The following APBB2 variants were observed in gnomAD, a reference collection of about 807,000 sequenced individuals.
APBB2 encodes Fe65-like 1.
APBB2 carries 38 observed loss-of-function variants against 82.5 expected under a neutral mutation model. That is an observed-to-expected ratio of 0.46 (90% CI 0.36 to 0.60). APBB2 has a LOEUF of 0.60. Ranked by LOEUF, APBB2 falls within the 20% of genes least tolerant of loss-of-function variation. APBB2 has a pLI of 0.00. For missense variants in APBB2, 772 were observed against 972.3 expected, an observed-to-expected ratio of 0.79 and a Z score of 2.74; for synonymous variants, 341 against 368.2, an observed-to-expected ratio of 0.93 and a Z score of 0.85.
intron 2 of APBB2, among the ~76,000 whole-genome samples, chr4:41,109,870 C>T (rs1471221519): frequency 3.3e-5 from 5 of 152,136 alleles, no homozygotes; most frequent in East Asian, 3.9e-4. Flanking sequence ...TCAAAGGTCA[C>T]GGAGCTAAAA....
At chr4:41,018,435 A>G (rs948799091) in intron 5 of APBB2, among the ~76,000 whole-genome samples, 25 of 152,192 alleles carry the variant, frequency 1.6e-4, no homozygotes, top group African/African-American at 5.8e-4. Context: ...ATTATCATCA[A>G]GGGAGCCTGA....
At chr4:40,834,008 G>A (rs1414339765) in intron 12 of APBB2, among the ~76,000 whole-genome samples, 1 of 152,178 alleles carries the variant, frequency 6.6e-6, no homozygotes, top group African/African-American at 2.4e-5. Flanking sequence ...ATTTTCCTCT[G>A]GCGCAGAGCA....
chr4:40,985,782 A>T (rs565603621), intron 6 of APBB2, among the ~76,000 whole-genome samples: 1 of 152,226 alleles, frequency 6.6e-6, no homozygotes, highest in Non-Finnish European at 1.5e-5. Context: ...ATGACACAAA[A>T]TTATCCAAAT....
intron 6 of APBB2, among the ~76,000 whole-genome samples, chr4:40,974,327 T>C (rs1261183134): frequency 6.6e-6 from 1 of 152,134 alleles, no homozygotes; most frequent in Admixed American, 6.6e-5. Flanking sequence ...CTTATTAATA[T>C]AGTGAATGTA....
chr4:41,101,470 C>CAAA lies in APBB2; in HGVS notation c.-260-723_-260-721dup, dbSNP rs150527764. ...TGGGCGACAGAGCGAGACTCCGTCT[C>CAAA]AAAAAAAAAAAAAAAAAAAAAAAAA... On this transcript the variant is annotated intron_variant, in intron 2 of 17. Coordinates refer to ENST00000508593, the MANE Select transcript of APBB2 (RefSeq NM_004307.2). Among the ~76,000 whole-genome samples the CAAA allele has an allele frequency of 7.7e-3, 555 of 72,526 alleles. 5 individuals carry two copies. The highest frequency in any genetic ancestry group is 0.02 in the East Asian group (27 of 1,342). The allele number at this position is 72,526 out of a possible 152,430, so 47.6% of individuals were successfully genotyped here. A position where few individuals can be genotyped will look rare whatever the true frequency, so the allele number is the denominator to read the frequency against.
At chr4:41,118,675 A>G (rs1041162655) in intron 2 of APBB2, among the ~76,000 whole-genome samples, 17 of 152,164 alleles carry the variant, frequency 1.1e-4, no homozygotes, top group African/African-American at 3.6e-4. Flanking sequence ...TACTTTTTAT[A>G]TGTGCTGAAT....
At chr4:41,005,304 C>T (rs977904452) in intron 6 of APBB2, among the ~76,000 whole-genome samples, 41 of 152,168 alleles carry the variant, frequency 2.7e-4, no homozygotes, top group African/African-American at 9.1e-4. Flanking sequence ...TGGCCAGGAT[C>T]GTCTCAATCT....
chr4:40,993,628 T>C lies in APBB2; in HGVS notation c.835+19955A>G, dbSNP rs577483735. On this transcript the variant is annotated intron_variant, in intron 6 of 17. Transcript: ENST00000508593. ...GTCTCAAACTCCTGGCCTCAAGCAA[T>C]CCTCCTGCCTCAACCTCCCAAAGTG... Among the ~76,000 whole-genome samples the C allele has an allele frequency of 3.9e-5, 6 of 151,980 alleles. No homozygotes were observed. The South Asian group carries it at 1.3e-3, about 32-fold the overall frequency.
chr4:41,119,969 T>C (rs373243558), intron 2 of APBB2, among the ~76,000 whole-genome samples: 1 of 152,218 alleles, frequency 6.6e-6, no homozygotes, highest in Admixed American at 6.5e-5. Context: ...TTTTATGGTT[T>C]GTGTTCCATG....
chr4:41,147,724 G>A (rs564356765), intron 1 of APBB2, among the ~76,000 whole-genome samples: 1 of 152,034 alleles, frequency 6.6e-6, no homozygotes, highest in East Asian at 1.9e-4. Flanking sequence ...CCTGACCTCA[G>A]GTGATCCACA....
At chr4:41,194,627 G>A in intron 1 of APBB2, among the ~76,000 whole-genome samples, 4 of 152,110 alleles carry the variant, frequency 2.6e-5, no homozygotes, top group African/African-American at 7.2e-5. Flanking sequence ...TCATGTCACC[G>A]CACTCTAGCC....
intron 12 of APBB2, among the ~76,000 whole-genome samples, chr4:40,860,428 A>G (rs1327575129): frequency 6.6e-6 from 1 of 152,162 alleles, no homozygotes; most frequent in African/African-American, 2.4e-5. Context: ...CCTGGTTGAC[A>G]ATACTCTGTG....
At chr4:40,862,016 T>C (rs1016086440) in intron 12 of APBB2, among the ~76,000 whole-genome samples, 3 of 152,338 alleles carry the variant, frequency 2.0e-5, no homozygotes, top group Non-Finnish European at 2.9e-5. Flanking sequence ...CACTCATCTT[T>C]CTTTCATAGA....
chr4:40,882,788 C>T (rs1275232656), intron 12 of APBB2, among the ~76,000 whole-genome samples: 3 of 152,106 alleles, frequency 2.0e-5, no homozygotes, highest in African/African-American at 7.2e-5. Flanking sequence ...AGCAACAGGC[C>T]GTGGGGGTGA....
chr4:41,025,966 AAAAAAG>A (rs1459276773), intron 5 of APBB2, among the ~76,000 whole-genome samples: 8 of 149,660 alleles, frequency 5.3e-5, no homozygotes, highest in African/African-American at 2.0e-4. Context: ...AAAAAAAAGA[AAAAAAG>A]GAAAATGTGG....
At chr4:41,022,383 A>T (rs1226033957) in intron 5 of APBB2, among the ~76,000 whole-genome samples, 1 of 152,192 alleles carries the variant, frequency 6.6e-6, no homozygotes, top group Non-Finnish European at 1.5e-5. Flanking sequence ...GAATAAAATG[A>T]TGTACATGGA....
intron 12 of APBB2, among the ~76,000 whole-genome samples, chr4:40,846,248 G>A (rs28621639): frequency 1.8e-4 from 26 of 148,302 alleles, no homozygotes; most frequent in Middle Eastern, 3.5e-3. Flanking sequence ...CTATGTGAGA[G>A]AGGGAAGGGG....
At position 41,019,492 on chromosome 4, in the gene APBB2, G is replaced by C. The variant is rs1810891882; in HGVS notation, c.20-5094C>G. On this transcript the variant is annotated intron_variant, in intron 5 of 17. Coordinates refer to ENST00000508593, the MANE Select transcript of APBB2 (RefSeq NM_004307.2). The stretch of plus-strand genomic sequence containing the variant: ...GCAGCCTTAATTTTCTCTATGAAGA[G>C]AAAGTTTTCCCAGAGAGGAAACAGT... 4.6e-5 allele frequency among the ~76,000 whole-genome samples: 7 copies of C among 152,298 alleles called. No homozygotes were observed. In the South Asian group the frequency reaches 1.2e-3, roughly 27 times the overall value.
At chr4:41,163,158 A>C (rs1031140391) in intron 1 of APBB2, among the ~76,000 whole-genome samples, 6 of 152,244 alleles carry the variant, frequency 3.9e-5, no homozygotes, top group Non-Finnish European at 7.3e-5. Flanking sequence ...CAGCTTGGGT[A>C]ATGCCACAAG....
Sources: gnomAD v4.1 joint callset for allele counts (sites outside exome capture counted in the v4.1 genomes callset) on GRCh38, gnomAD v4.1.1 for gene constraint, MANE v1.5 for transcripts, NCBI Gene and HGNC (gene_info 2026-07-23, HGNC 2026-07-21) for gene names.